LMOD3: variants seen among roughly 807,000 people sequenced by gnomAD.
The protein encoded by LMOD3 is leiomodin 3.
LMOD3 carries 31 observed loss-of-function variants against 41.8 expected under a neutral mutation model. The ratio of observed to expected loss-of-function variants is 0.74; its 90% CI spans 0.56 to 1.00. LMOD3 has a LOEUF of 1.00. LMOD3 is among the 50% of genes least tolerant of loss of function. The pLI is 0.00. For missense variants in LMOD3, 755 were observed against 679.5 expected (o/e 1.11, Z -1.23); for synonymous variants, 292 against 241.9 (o/e 1.21, Z -1.92).
In LMOD3 at chr3:69,108,282, A is replaced by G. The variant is rs554378454; in HGVS notation, c.*813T>C. ...ATTTAGCCAAAACCAAAAGCTTGTCAATAACTATATTATGTAAAACTTCTT... is the reference window on the plus strand; with the variant it reads ...ATTTAGCCAAAACCAAAAGCTTGTCGATAACTATATTATGTAAAACTTCTT... On this transcript the variant is annotated 3_prime_UTR_variant, in exon 3 of 3. Transcript: ENST00000420581. The G allele has an allele frequency of 1.6e-4, 25 of 152,236 alleles. No homozygotes were observed. Among genetic ancestry groups the G allele is most frequent in the African/African-American group, 4.1e-4 (17 of 41,550 alleles). 9.4% of individuals were successfully genotyped at this position (152,236 alleles called of 1,614,324 possible).
At chr3:69,116,776 G>C (rs892181419) in intron 2 of LMOD3, among the ~76,000 whole-genome samples, 2 of 152,088 alleles carry the variant, frequency 1.3e-5, no homozygotes, top group Non-Finnish European at 2.9e-5. Flanking sequence ...ATATTTGTTA[G>C]ATTAACAAAT....
At chr3:69,111,856 T>C (rs2092351767) in intron 2 of LMOD3, among the ~76,000 whole-genome samples, 1 of 152,252 alleles carries the variant, frequency 6.6e-6, no homozygotes, top group Non-Finnish European at 1.5e-5. Flanking sequence ...AAAAGAGGAA[T>C]CAGTCACTAA....
Position 69,122,482 on chromosome 3 carries a change from C to CTTGGGACACTCGTTAACTGGG in LMOD3, c.-97_-96insCCCAGTTAACGAGTGTCCCAA. The CTTGGGACACTCGTTAACTGGG allele has an allele frequency of 1.1e-6, 1 of 935,762 alleles. No homozygotes were observed. Among genetic ancestry groups the CTTGGGACACTCGTTAACTGGG allele is most frequent in the Non-Finnish European group, 1.6e-6 (1 of 642,098 alleles). 58.0% of individuals were successfully genotyped at this position (935,762 alleles called of 1,614,324 possible). A position where few individuals can be genotyped will look rare whatever the true frequency, so the allele number is the denominator to read the frequency against. On this transcript the variant is annotated 5_prime_UTR_variant, in exon 1 of 3. Coordinates refer to ENST00000420581, the MANE Select transcript of LMOD3 (RefSeq NM_198271.5). ...AGCCTCAAGAAGGTCCCCCAGTTAA[C>CTTGGGACACTCGTTAACTGGG]GAGTGTCCCAAGTTAACACACCCTT...
chr3:69,108,992 C>T lies in LMOD3; in HGVS notation c.*103G>A. On this transcript the variant is annotated 3_prime_UTR_variant, in exon 3 of 3. Transcript: ENST00000420581. Reference sequence around the variant, plus strand: ...TCAGATGGTAGCATTGTTTCCAGTTCTGCCACGTGGATCCTAAAGTATTGC... The same window carrying T: ...TCAGATGGTAGCATTGTTTCCAGTTTTGCCACGTGGATCCTAAAGTATTGC... 1 of 1,025,756 alleles carries T rather than the reference C, an allele frequency of 9.7e-7. No homozygotes were observed. The highest frequency in any genetic ancestry group is 1.5e-6 in the Non-Finnish European group (1 of 683,918). 63.5% of individuals were successfully genotyped at this position (1,025,756 alleles called of 1,614,324 possible).
At chr3:69,120,922 G>C (rs1166188548) in intron 1 of LMOD3, among the ~76,000 whole-genome samples, 1 of 152,096 alleles carries the variant, frequency 6.6e-6, no homozygotes, top group Admixed American at 6.6e-5. Flanking sequence ...GGGCCTCATA[G>C]ATATCATTTT....
intron 2 of LMOD3, among the ~76,000 whole-genome samples, chr3:69,109,552 GAGTCTC>G (rs2092338517): frequency 7.6e-6 from 1 of 132,002 alleles, no homozygotes; most frequent in Admixed American, 7.7e-5. Flanking sequence ...TTTTGAGATG[GAGTCTC>G]AGTCTATCTT....
intron 2 of LMOD3, among the ~76,000 whole-genome samples, chr3:69,111,585 A>G (rs2092350364): frequency 6.6e-6 from 1 of 152,176 alleles, no homozygotes; most frequent in South Asian, 2.1e-4. Context: ...AAATTTTTTA[A>G]TTATTTAGAG....
At chr3:69,117,804 A>G (rs2107525061) in intron 2 of LMOD3, among the ~76,000 whole-genome samples, 1 of 150,050 alleles carries the variant, frequency 6.7e-6, no homozygotes, top group Non-Finnish European at 1.5e-5. Context: ...GCATTCCATT[A>G]TCTACAAACA....
Position 69,122,505 on chromosome 3 carries a change from C to T in LMOD3, c.-119G>A. The T allele has an allele frequency of 1.3e-6, 1 of 767,138 alleles. No homozygotes were observed. Among genetic ancestry groups the T allele is most frequent in the Non-Finnish European group, 2.0e-6 (1 of 492,422 alleles). The allele number at this position is 767,138 out of a possible 1,614,324, so 47.5% of individuals were successfully genotyped here. A position where few individuals can be genotyped will look rare whatever the true frequency, so the allele number is the denominator to read the frequency against. On this transcript the variant is annotated 5_prime_UTR_variant, in exon 1 of 3. Coordinates refer to ENST00000420581, the MANE Select transcript of LMOD3 (RefSeq NM_198271.5). ...AACGAGTGTCCCAAGTTAACACACC[C>T]TTGAGATATTTTTTTTTTTTTCCCA... is the stretch of plus-strand genomic sequence containing the variant.
chr3:69,109,137 T>G lies in LMOD3; in HGVS notation c.1657-16A>C. ...GCAGTTGCACCTGCGATTTAAGCAT[T>G]TGAGGAAACGGGGGAAATTAATCCT... On this transcript the variant is annotated splice_polypyrimidine_tract_variant and intron_variant, in intron 2 of 2. Transcript: ENST00000420581. 1 of 1,599,736 alleles carries G rather than the reference T, an allele frequency of 6.3e-7. No individual in the cohort carries two copies. The highest frequency in any genetic ancestry group is 8.5e-7 in the Non-Finnish European group (1 of 1,172,820).
chr3:69,109,356 T>C (rs574563414), intron 2 of LMOD3, among the ~76,000 whole-genome samples: 22 of 151,944 alleles, frequency 1.4e-4, no homozygotes, highest in Admixed American at 2.6e-4. Flanking sequence ...CAAAGTAACA[T>C]CATGGAAATA....
chr3:69,106,261 A>G lies in LMOD3; in HGVS notation c.*2834T>C, dbSNP rs1177646450. On this transcript the variant is annotated 3_prime_UTR_variant, in exon 3 of 3. Coordinates refer to ENST00000420581, the MANE Select transcript of LMOD3 (RefSeq NM_198271.5). ...TTTTTAAACCTGGCACGAGTTTTAT[A>G]TACATGTTAGCCCAGTTTTATATAC... 6.6e-6 allele frequency among the ~76,000 whole-genome samples: 1 copy of G among 152,196 alleles called. No homozygotes were observed. Among genetic ancestry groups the G allele is most frequent in the African/African-American group, 2.4e-5 (1 of 41,448 alleles).
At chr3:69,110,677 T>C (rs1243711022) in intron 2 of LMOD3, among the ~76,000 whole-genome samples, 1 of 146,420 alleles carries the variant, frequency 6.8e-6, no homozygotes, top group Admixed American at 6.7e-5. Flanking sequence ...ACCCTGTCTT[T>C]ACTAAAAATA....
chr3:69,117,554 A>T (rs1330297035), intron 2 of LMOD3, among the ~76,000 whole-genome samples: 2 of 152,210 alleles, frequency 1.3e-5, no homozygotes, highest in Admixed American at 1.3e-4. Context: ...CATCATAATA[A>T]TGACCAAAAT....
At chr3:69,118,404 G>A (rs1352058293) in intron 2 of LMOD3, among the ~76,000 whole-genome samples, 3 of 152,124 alleles carry the variant, frequency 2.0e-5, no homozygotes, top group African/African-American at 7.2e-5. Context: ...GGGTTAGTAA[G>A]ATGATTACAT....
Position 69,106,582 on chromosome 3 carries a change from CATCTT to C in LMOD3, c.*2508_*2512del, listed in dbSNP as rs1457137525. On this transcript the variant is annotated 3_prime_UTR_variant, in exon 3 of 3. Coordinates refer to ENST00000420581, the MANE Select transcript of LMOD3 (RefSeq NM_198271.5). ...GAGGCCATAAGCTATGAAATTGGAT[CATCTT>C]TTCTTCTTGTATATCTAAGATAAAA... 6.6e-6 allele frequency among the ~76,000 whole-genome samples: 1 copy of C among 152,054 alleles called. No homozygotes were observed. Among genetic ancestry groups the C allele is most frequent in the Non-Finnish European group, 1.5e-5 (1 of 68,020 alleles).
In LMOD3 at chr3:69,116,978, T is replaced by A. The variant is rs191992623; in HGVS notation, c.1656+1721A>T. Reference sequence around the variant, plus strand: ...TCTTTTCAGACTGCTCTTTTCTGAATGTACAGCCACCAAGGTGGCTTGAAT... The same window carrying A: ...TCTTTTCAGACTGCTCTTTTCTGAAAGTACAGCCACCAAGGTGGCTTGAAT... On this transcript the variant is annotated intron_variant, in intron 2 of 2. Coordinates refer to ENST00000420581, the MANE Select transcript of LMOD3 (RefSeq NM_198271.5). 1.1e-4 allele frequency among the ~76,000 whole-genome samples: 17 copies of A among 152,354 alleles called. No individual in the cohort carries two copies. The East Asian group carries it at 3.1e-3, about 28-fold the overall frequency.
At position 69,106,123 on chromosome 3, in the gene LMOD3, G is replaced by A. The variant is rs570009450; in HGVS notation, c.*2972C>T. On this transcript the variant is annotated 3_prime_UTR_variant, in exon 3 of 3. Transcript: ENST00000420581. ...GTCTTAAATACCTGAGAAACTTGGC[G>A]ACGACCCTATAAACAGTGAAGCAAA... 1.3e-5 allele frequency: 2 copies of A among 152,166 alleles called. No individual in the cohort carries two copies. Among genetic ancestry groups the A allele is most frequent in the Admixed American group, 6.5e-5 (1 of 15,270 alleles). 9.4% of individuals were successfully genotyped at this position (152,166 alleles called of 1,614,324 possible). A position where few individuals can be genotyped will look rare whatever the true frequency, so the allele number is the denominator to read the frequency against.
chr3:69,110,274 G>C (rs1188973965), intron 2 of LMOD3, among the ~76,000 whole-genome samples: 1 of 151,812 alleles, frequency 6.6e-6, no homozygotes, highest in East Asian at 2.0e-4. Context: ...CTGTCACCCA[G>C]GCTGGAGTGG....
Sources: gnomAD v4.1 joint callset for allele counts (sites outside exome capture counted in the v4.1 genomes callset) on GRCh38, gnomAD v4.1.1 for gene constraint, MANE v1.5 for transcripts, NCBI Gene and HGNC (gene_info 2026-07-23, HGNC 2026-07-21) for gene names.